KLHL1: variants seen among roughly 807,000 people sequenced by gnomAD.
KLHL1 encodes the protein kelch-like protein 1.
In KLHL1, 47 loss-of-function variants were observed where a neutral mutation model predicts 77.7. That is an observed-to-expected ratio of 0.60 (90% CI 0.48 to 0.77). The LOEUF (loss-of-function observed/expected upper bound fraction) is 0.77, where lower values mean the gene tolerates loss of function less well. Ranked by LOEUF, KLHL1 falls within the 30% of genes least tolerant of loss-of-function variation. The pLI, the probability that KLHL1 is intolerant of heterozygous loss-of-function variation, is 0.00. For missense variants in KLHL1, 925 were observed against 910.8 expected, an observed-to-expected ratio of 1.02 and a Z score of -0.20; for synonymous variants, 360 against 325.2, an observed-to-expected ratio of 1.11 and a Z score of -1.15.
intron 1 of KLHL1, among the ~76,000 whole-genome samples, chr13:70,039,911 G>A (rs1471574701): frequency 1.3e-5 from 2 of 151,894 alleles, no homozygotes; most frequent in African/African-American, 4.8e-5. Flanking sequence ...AAACTGCTTG[G>A]ATTATTTGAA....
Position 69,701,877 on chromosome 13 carries a change from T to G in KLHL1, c.2188-116A>C, listed in dbSNP as rs573960880. 792 of 759,298 alleles carry G rather than the reference T, an allele frequency of 1.0e-3. 1 individual carries two copies. The highest frequency in any genetic ancestry group is 3.3e-3 in the Admixed American group (104 of 31,806). 47.0% of individuals were successfully genotyped at this position (759,298 alleles called of 1,614,324 possible). A position where few individuals can be genotyped will look rare whatever the true frequency, so the allele number is the denominator to read the frequency against. On this transcript the variant is annotated intron_variant, in intron 10 of 10. Transcript: ENST00000377844. ...AAATAAATGTGCTTGTTTTCCCATT[T>G]TAGCCAGAAGTAGTACAGTAAAAAT...
chr13:69,855,715 T>C lies in KLHL1; in HGVS notation c.1228-16553A>G, dbSNP rs184506070. Among the ~76,000 whole-genome samples, 480 of 151,476 alleles carry C rather than the reference T, an allele frequency of 3.2e-3. 3 individuals carry two copies. The highest frequency in any genetic ancestry group is 0.011 in the African/African-American group (463 of 41,352). On this transcript the variant is annotated intron_variant, in intron 5 of 10. Coordinates refer to ENST00000377844, the MANE Select transcript of KLHL1 (RefSeq NM_020866.3). ...CCGTGATTGTAAGTTTCCTGAGGCC[T>C]CACCAGCCATGCCGAACCGTGAGTC...
At chr13:70,010,807 G>A (rs1885515678) in intron 1 of KLHL1, among the ~76,000 whole-genome samples, 2 of 151,832 alleles carry the variant, frequency 1.3e-5, no homozygotes, top group African/African-American at 2.4e-5. Flanking sequence ...CAGGAGAATT[G>A]CTAGAACCCA....
chr13:69,963,129 A>G (rs746363592), intron 2 of KLHL1, among the ~76,000 whole-genome samples: 1 of 152,104 alleles, frequency 6.6e-6, no homozygotes, highest in Non-Finnish European at 1.5e-5. Flanking sequence ...TGGCATGATC[A>G]TAGCTCATTG....
intron 6 of KLHL1, among the ~76,000 whole-genome samples, chr13:69,802,603 G>T (rs1259921048): frequency 6.6e-6 from 1 of 152,086 alleles, no homozygotes; most frequent in Non-Finnish European, 1.5e-5. Flanking sequence ...ATAGAATACA[G>T]ACATTGTACA....
At chr13:69,986,294 T>C (rs574294844) in intron 1 of KLHL1, among the ~76,000 whole-genome samples, 1 of 152,118 alleles carries the variant, frequency 6.6e-6, no homozygotes, top group South Asian at 2.1e-4. Context: ...AATAGTAATT[T>C]ATTACATATT....
Position 69,732,743 on chromosome 13 carries a change from C to T in KLHL1, c.1802+7651G>A, listed in dbSNP as rs925318575. Among the ~76,000 whole-genome samples, 6 of 151,960 alleles carry T rather than the reference C, an allele frequency of 3.9e-5. 1 individual carries two copies. The East Asian group carries it at 1.2e-3, about 29-fold the overall frequency. On this transcript the variant is annotated intron_variant, in intron 8 of 10. Coordinates refer to ENST00000377844, the MANE Select transcript of KLHL1 (RefSeq NM_020866.3). The stretch of plus-strand genomic sequence containing the variant: ...GAGTTGCTCTGTAGCACCAGACACA[C>T]CTAGTTTGCGGTTTTTCTAAGACAC...
At chr13:69,931,391 C>T (rs1190016082) in intron 4 of KLHL1, among the ~76,000 whole-genome samples, 2 of 151,674 alleles carry the variant, frequency 1.3e-5, no homozygotes, top group East Asian at 3.9e-4. Context: ...TGAAGTTTCC[C>T]TATCATCACA....
intron 4 of KLHL1, among the ~76,000 whole-genome samples, chr13:69,888,575 C>T (rs1470833495): frequency 2.6e-5 from 4 of 152,088 alleles, no homozygotes; most frequent in Non-Finnish European, 4.4e-5. Flanking sequence ...TGTAGTTATG[C>T]TACCACAAAC....
At chr13:70,022,065 C>A (rs534836899) in intron 1 of KLHL1, among the ~76,000 whole-genome samples, 1 of 151,894 alleles carries the variant, frequency 6.6e-6, no homozygotes, top group Non-Finnish European at 1.5e-5. Flanking sequence ...AACCCAAAGT[C>A]ACTTTGATTT....
chr13:69,957,687 T>C (rs901763980), intron 3 of KLHL1, among the ~76,000 whole-genome samples: 3 of 151,810 alleles, frequency 2.0e-5, no homozygotes, highest in African/African-American at 7.2e-5. Flanking sequence ...GAATTCCAAC[T>C]AAGTATTTTC....
At chr13:70,051,510 C>T (rs147938290) in intron 1 of KLHL1, among the ~76,000 whole-genome samples, 9 of 152,052 alleles carry the variant, frequency 5.9e-5, no homozygotes, top group East Asian at 1.9e-4. Context: ...TAAAGAAGTG[C>T]GTGGATATTT....
intron 5 of KLHL1, among the ~76,000 whole-genome samples, chr13:69,859,717 T>A (rs1174209609): frequency 6.6e-6 from 1 of 152,092 alleles, no homozygotes; most frequent in Non-Finnish European, 1.5e-5. Flanking sequence ...ACCAGTTAGA[T>A]TTGCAACAAT....
chr13:70,037,199 A>G (rs1410638455), intron 1 of KLHL1, among the ~76,000 whole-genome samples: 5 of 152,046 alleles, frequency 3.3e-5, no homozygotes, highest in African/African-American at 9.7e-5. Context: ...ATTTTCCTTC[A>G]TGCATTCTTG....
intron 1 of KLHL1, among the ~76,000 whole-genome samples, chr13:70,083,135 A>G (rs978517362): frequency 1.3e-5 from 2 of 152,322 alleles, no homozygotes; most frequent in East Asian, 1.9e-4. Flanking sequence ...AAAAAATCCT[A>G]GAGTTAAGTT....
At position 70,068,231 on chromosome 13, in the gene KLHL1, C is replaced by T. The variant is rs187783209; in HGVS notation, c.497+38972G>A. Among the ~76,000 whole-genome samples, 1,390 of 152,076 alleles carry T rather than the reference C, an allele frequency of 9.1e-3. 12 individuals are homozygous for T. Among genetic ancestry groups the T allele is most frequent in the South Asian group, 0.016 (78 of 4,814 alleles). On this transcript the variant is annotated intron_variant, in intron 1 of 10. Coordinates refer to ENST00000377844, the MANE Select transcript of KLHL1 (RefSeq NM_020866.3). ...TGGCGGGCGCCTGTAGTCCCAGCTA[C>T]TCGGGAGGCTGAGGCAGGAGAATGG...
chr13:69,737,735 G>C (rs747730285), intron 8 of KLHL1, among the ~76,000 whole-genome samples: 11 of 152,180 alleles, frequency 7.2e-5, no homozygotes, highest in Non-Finnish European at 1.6e-4. Context: ...AGAGAACTCT[G>C]ATATCCCTGA....
chr13:69,784,603 G>A (rs1876412159), intron 7 of KLHL1, among the ~76,000 whole-genome samples: 1 of 151,248 alleles, frequency 6.6e-6, no homozygotes, highest in South Asian at 2.1e-4. Context: ...ATTACATAAT[G>A]ATAAAGGGAT....
chr13:69,827,622 C>T lies in KLHL1; in HGVS notation c.1414+11354G>A, dbSNP rs373069120. 7.4e-5 allele frequency among the ~76,000 whole-genome samples: 11 copies of T among 149,400 alleles called. No individual in the cohort carries two copies. In the East Asian group the frequency reaches 1.6e-3, roughly 22 times the overall value. On this transcript the variant is annotated intron_variant, in intron 6 of 10. Coordinates refer to ENST00000377844, the MANE Select transcript of KLHL1 (RefSeq NM_020866.3). Reference sequence around the variant, plus strand: ...GTGCATGGCTGTAATCCCAGCTACTCGGGAGGCTGAGGTAGGGGAATCTCG... The same window carrying T: ...GTGCATGGCTGTAATCCCAGCTACTTGGGAGGCTGAGGTAGGGGAATCTCG...
Sources: gnomAD v4.1 joint callset for allele counts (sites outside exome capture counted in the v4.1 genomes callset) on GRCh38, gnomAD v4.1.1 for gene constraint, MANE v1.5 for transcripts, NCBI Gene and HGNC (gene_info 2026-07-23, HGNC 2026-07-21) for gene names.